Variants in LINGO2 observed in about 807,000 individuals in gnomAD.
LINGO2 encodes the protein leucine-rich repeat and immunoglobulin-like domain-containing nogo receptor-interacting protein 2.
Under a neutral mutation model 30.6 loss-of-function variants are expected in LINGO2, and 14 were observed. The observed-to-expected ratio is 0.46, with a 90% CI of 0.30 to 0.72. The LOEUF is 0.72. Ranked by LOEUF, LINGO2 falls within the 30% of genes least tolerant of loss-of-function variation. The pLI, the probability that LINGO2 is intolerant of heterozygous loss-of-function variation, is 0.07. For missense variants in LINGO2, 729 were observed against 751.7 expected (o/e 0.97, Z 0.35); for synonymous variants, 317 against 288.5 (o/e 1.10, Z -1.00).
chr9:28,439,206 T>C (rs369700123), intron 2 of LINGO2, among the ~76,000 whole-genome samples: 1 of 150,622 alleles, frequency 6.6e-6, no homozygotes, highest in South Asian at 2.1e-4. Context: ...ATACATTACA[T>C]ATTATGAAAT....
chr9:28,852,018 C>T, the LINGO2 span, among the ~76,000 whole-genome samples: 3 of 151,748 alleles, frequency 2.0e-5, no homozygotes, highest in South Asian at 4.1e-4. Flanking sequence ...TCCCTGTCCC[C>T]TAAATCTGAC....
At chr9:27,996,170 C>T (rs1243331994) in intron 5 of LINGO2, among the ~76,000 whole-genome samples, 2 of 152,106 alleles carry the variant, frequency 1.3e-5, no homozygotes, top group Non-Finnish European at 2.9e-5. Context: ...GAAAGGGGAG[C>T]ACTTGTATTT....
the LINGO2 span, among the ~76,000 whole-genome samples, chr9:28,967,555 G>C: frequency 5.9e-5 from 9 of 152,070 alleles, no homozygotes; most frequent in African/African-American, 2.2e-4. Flanking sequence ...AGTTGCATGG[G>C]ATGATCATGT....
At chr9:28,868,613 G>T in the LINGO2 span, among the ~76,000 whole-genome samples, 11 of 152,094 alleles carry the variant, frequency 7.2e-5, no homozygotes, top group African/African-American at 2.7e-4. Flanking sequence ...GAGAATAAAT[G>T]AGTGCCCCTT....
At chr9:28,334,202 T>C (rs1031825149) in intron 3 of LINGO2, among the ~76,000 whole-genome samples, 1 of 152,092 alleles carries the variant, frequency 6.6e-6, no homozygotes, top group African/African-American at 2.4e-5. Flanking sequence ...AGAAAGAAGA[T>C]GGCCTGAGAG....
the LINGO2 span, among the ~76,000 whole-genome samples, chr9:29,151,120 G>GA: frequency 4.5e-3 from 659 of 145,650 alleles, 2 homozygotes; most frequent in African/African-American, 0.011. Flanking sequence ...GCATTGTTAT[G>GA]AAAAAAAAAA....
chr9:29,002,567 C>G, the LINGO2 span, among the ~76,000 whole-genome samples: 1 of 152,024 alleles, frequency 6.6e-6, no homozygotes, highest in Non-Finnish European at 1.5e-5. Context: ...GCTCGTAACA[C>G]TTTGTTGAAA....
chr9:29,074,717 G>C, the LINGO2 span, among the ~76,000 whole-genome samples: 1 of 117,580 alleles, frequency 8.5e-6, no homozygotes, highest in East Asian at 2.5e-4. Flanking sequence ...ACAGAGTCTC[G>C]CTCTCTCGCC....
intron 4 of LINGO2, among the ~76,000 whole-genome samples, chr9:28,225,144 G>C (rs1381751714): frequency 6.6e-6 from 1 of 152,142 alleles, no homozygotes; most frequent in Admixed American, 6.5e-5. Context: ...TGAAGTTTTG[G>C]ATGTCTATAT....
intron 4 of LINGO2, among the ~76,000 whole-genome samples, chr9:28,021,787 A>G (rs1176524086): frequency 3.9e-5 from 6 of 152,046 alleles, no homozygotes; most frequent in African/African-American, 1.2e-4. Context: ...CGTTTAATAC[A>G]CTACTTCTGT....
At chr9:28,128,400 GT>G (rs2133431221) in intron 4 of LINGO2, among the ~76,000 whole-genome samples, 1 of 152,176 alleles carries the variant, frequency 6.6e-6, no homozygotes, top group African/African-American at 2.4e-5. Flanking sequence ...GGCCAAACAG[GT>G]ACAAATAAAT....
chr9:29,029,335 C>T, the LINGO2 span, among the ~76,000 whole-genome samples: 1 of 152,104 alleles, frequency 6.6e-6, no homozygotes, highest in Non-Finnish European at 1.5e-5. Flanking sequence ...ATCTGCCTAA[C>T]AGATATTAAA....
chr9:28,721,954 G>T, the LINGO2 span, among the ~76,000 whole-genome samples: 1 of 151,768 alleles, frequency 6.6e-6, no homozygotes, highest in Non-Finnish European at 1.5e-5. Context: ...GCCTTTCAAA[G>T]AACATTGTAT....
At chr9:28,298,392 G>A (rs997206696) in intron 3 of LINGO2, among the ~76,000 whole-genome samples, 5 of 151,274 alleles carry the variant, frequency 3.3e-5, no homozygotes, top group Non-Finnish European at 7.4e-5. Context: ...GGGGCTGGGC[G>A]CAGTGGCTCA....
chr9:28,361,138 A>C (rs1410970714), intron 3 of LINGO2, among the ~76,000 whole-genome samples: 1 of 152,226 alleles, frequency 6.6e-6, no homozygotes, highest in Non-Finnish European at 1.5e-5. Context: ...TTAGTCATTT[A>C]GTAGCTGTTT....
At chr9:29,032,416 A>G in the LINGO2 span, among the ~76,000 whole-genome samples, 1 of 152,186 alleles carries the variant, frequency 6.6e-6, no homozygotes, top group Non-Finnish European at 1.5e-5. Context: ...AAATTCAGAT[A>G]ACTACTTTTT....
chr9:29,025,760 G>A, the LINGO2 span, among the ~76,000 whole-genome samples: 2 of 151,990 alleles, frequency 1.3e-5, no homozygotes, highest in African/African-American at 2.4e-5. Flanking sequence ...CATATTCCTC[G>A]TGTCTAGCTG....
intron 4 of LINGO2, among the ~76,000 whole-genome samples, chr9:28,021,905 G>C (rs1436221008): frequency 6.6e-6 from 1 of 151,774 alleles, no homozygotes; most frequent in African/African-American, 2.4e-5. Context: ...GTTGTGTTTT[G>C]TTTTTGTATT....
the LINGO2 span, among the ~76,000 whole-genome samples, chr9:28,869,951 T>A: frequency 2.0e-5 from 3 of 151,850 alleles, no homozygotes; most frequent in Admixed American, 1.3e-4. Context: ...CATCAGTCAA[T>A]GTTCAAAGCC....
Sources: allele counts gnomAD v4.1 joint callset (sites outside exome capture counted in the v4.1 genomes callset), GRCh38; gene constraint gnomAD v4.1.1; transcripts MANE v1.5; gene names NCBI Gene and HGNC (gene_info 2026-07-23, HGNC 2026-07-21).